DISP1: variants seen among roughly 807,000 people sequenced by gnomAD.
The protein encoded by DISP1 is dispatched RND transporter family member 1, also known as protein dispatched homolog 1.
DISP1 carries 30 observed loss-of-function variants against 37.3 expected under a neutral mutation model. That is an observed-to-expected ratio of 0.80 (90% confidence interval 0.60 to 1.09). The LOEUF is 1.09. Ranked by LOEUF, DISP1 falls within the 50% of genes least tolerant of loss-of-function variation. The probability of loss-of-function intolerance (pLI) is 0.00; values close to 1 mark genes in which losing one functional copy is unlikely to be tolerated. For missense variants in DISP1, 1,598 were observed against 1,879.5 expected (o/e 0.85, Z 2.77); for synonymous variants, 634 against 690.2 (o/e 0.92, Z 1.28).
At chr1:222,911,149 T>C (rs1672185485) in intron 1 of DISP1, among the ~76,000 whole-genome samples, 1 of 152,202 alleles carries the variant, frequency 6.6e-6, no homozygotes, top group African/African-American at 2.4e-5. Flanking sequence ...GATGATTAGC[T>C]TAGGTAATTT....
chr1:222,914,697 A>G (rs1463690087), intron 1 of DISP1, among the ~76,000 whole-genome samples: 2 of 152,136 alleles, frequency 1.3e-5, no homozygotes, highest in African/African-American at 4.8e-5. Context: ...GGTGGCTCAC[A>G]CCTATAATCC....
chr1:222,869,586 AG>A (rs375685274), intron 1 of DISP1, among the ~76,000 whole-genome samples: 14 of 152,298 alleles, frequency 9.2e-5, no homozygotes, highest in African/African-American at 3.1e-4. Flanking sequence ...GAGCTAGCAA[AG>A]CTTGGAGAAA....
At chr1:222,976,493 T>A (rs78915373) in intron 3 of DISP1, among the ~76,000 whole-genome samples, 8,641 of 152,146 alleles carry the variant, frequency 0.057, 829 homozygotes, top group African/African-American at 0.2. Context: ...CACGTCCATT[T>A]GTATAGAAAC....
chr1:222,979,599 TG>T (rs1338139562), intron 3 of DISP1: 1 of 471,116 alleles, frequency 2.1e-6, no homozygotes, highest in Non-Finnish European at 4.4e-6. Context: ...ATACAGCTTT[TG>T]GGGGTTTTTG....
chr1:222,954,882 A>G (rs1675480722), intron 3 of DISP1, among the ~76,000 whole-genome samples: 1 of 151,364 alleles, frequency 6.6e-6, no homozygotes, highest in South Asian at 2.1e-4. Context: ...AATGAACAGG[A>G]GTGCAACTGC....
rs755084650 is a variant in DISP1 at position 223,003,341 on chromosome 1, G to A, written c.1944G>A (p.Met648Ile). 5.0e-6 allele frequency: 8 copies of A among 1,614,096 alleles called. No homozygotes were observed. The East Asian group carries it at 8.9e-5, about 18-fold the overall frequency. ...CTATATTGGTGAATTACGTTTTGAT[G>A]GTCACATGGCTTCCAGCAGTTGTTG... is the stretch of plus-strand genomic sequence containing the variant. ...GTAILVNYVL[M>I]VTWLPAVVVL... Residue 648 changes from methionine to isoleucine, a missense_variant, in exon 9 of 9, where the codon ATG becomes ATA. Met to Ile is a conservative substitution (Grantham distance 10). Transcript: ENST00000675850. The surrounding 1 kb of genome is among the most constrained non-coding windows in gnomAD (Gnocchi z 4.3).
At chr1:222,991,732 T>C in intron 6 of DISP1, 85 bp downstream of exon 6, 1 of 1,435,418 alleles carries the variant, frequency 7.0e-7, no homozygotes, top group South Asian at 1.3e-5. Flanking sequence ...AACAAAAAAT[T>C]TAAATGTAAA....
chr1:222,932,312 C>G (rs1027058235), intron 2 of DISP1, among the ~76,000 whole-genome samples: 4 of 151,864 alleles, frequency 2.6e-5, no homozygotes, highest in Admixed American at 2.6e-4. Context: ...GGGCCAGGAC[C>G]CTTTTATCAT....
At chr1:222,890,545 A>G (rs1572437005) in intron 1 of DISP1, among the ~76,000 whole-genome samples, 1 of 152,132 alleles carries the variant, frequency 6.6e-6, no homozygotes, top group East Asian at 1.9e-4. Flanking sequence ...GAGATAAGGG[A>G]TAGTTCATTT....
In DISP1 at chr1:223,003,971, G is replaced by A. The variant is rs1308731382; in HGVS notation, c.2574G>A (p.Gln858=). 1 of 1,614,192 alleles carries A rather than the reference G, an allele frequency of 6.2e-7. No homozygotes were observed. The highest frequency in any genetic ancestry group is 2.2e-5 in the East Asian group (1 of 44,882). The change falls in exon 9 of 9, where the codon CAG becomes CAA. Residue 858 remains glutamine, a synonymous_variant. Coordinates refer to ENST00000675850, the MANE Select transcript of DISP1 (RefSeq NM_001377229.1). This position sits in a 1 kb window ranked among gnomAD's most constrained non-coding sequence, Gnocchi z 4.3. ...FTSCFIETFK[Q]WMENQDCDEP... Reference sequence around the variant, plus strand: ...GCTGCTTCATTGAGACATTCAAACAGTGGATGGAAAACCAGGACTGTGATG... The same window carrying A: ...GCTGCTTCATTGAGACATTCAAACAATGGATGGAAAACCAGGACTGTGATG...
At chr1:222,826,377 C>CTT (rs376799233) in intron 1 of DISP1, among the ~76,000 whole-genome samples, 12,196 of 110,306 alleles carry the variant, frequency 0.11, 1,257 homozygotes, top group South Asian at 0.15. Context: ...CACTTTAATA[C>CTT]TTTTTTTTTT....
chr1:222,990,653 G>A lies in DISP1; in HGVS notation c.568G>A (p.Val190Met). 2.5e-6 allele frequency: 4 copies of A among 1,614,130 alleles called. No individual in the cohort carries two copies. The highest frequency in any genetic ancestry group is 2.5e-6 in the Non-Finnish European group (3 of 1,179,994). The change falls in exon 5 of 9, where the codon GTG (valine) becomes ATG (methionine). Residue 190 changes from valine (V) to methionine (M), a missense_variant. Transcript: ENST00000675850. ...SYAALIADWP[V>M]VVLGMCTMFI... is the part of the protein sequence containing the mutation. The stretch of plus-strand genomic sequence containing the variant: ...TGCAGCCCTGATAGCCGACTGGCCG[G>A]TGGTGGTCTTGGGCATGTGCACCAT...
Position 222,883,558 on chromosome 1 carries a change from A to G in DISP1, c.-158-44872A>G, listed in dbSNP as rs542729729. On this transcript the variant is annotated intron_variant, in intron 1 of 8. Transcript: ENST00000675850. ...CTTGAACCCGTGAGGCAAAGGTTGC[A>G]GTGAGCCAAGATCGTGCCACTGCAC... is the stretch of plus-strand genomic sequence containing the variant. Among the ~76,000 whole-genome samples the G allele has an allele frequency of 3.9e-5, 6 of 152,378 alleles. No homozygotes were observed. In the East Asian group the frequency reaches 9.6e-4, roughly 24 times the overall value.
At position 222,877,136 on chromosome 1, in the gene DISP1, A is replaced by G. The variant is rs532141548; in HGVS notation, c.-158-51294A>G. Among the ~76,000 whole-genome samples the G allele has an allele frequency of 3.9e-5, 6 of 152,316 alleles. No homozygotes were observed. The East Asian group carries it at 1.2e-3, about 29-fold the overall frequency. On this transcript the variant is annotated intron_variant, in intron 1 of 8. Transcript: ENST00000675850. The stretch of plus-strand genomic sequence containing the variant: ...CCTCTCTGAGCTTATTACCTCATCT[A>G]TAAAATGGGGATAATAATGTCTTCA...
chr1:222,936,991 ATAT>A (rs199660539), intron 2 of DISP1, among the ~76,000 whole-genome samples: 7,389 of 85,424 alleles, frequency 0.086, 301 homozygotes, highest in Non-Finnish European at 0.11. Context: ...AATATATATA[ATAT>A]TATATAATAT....
intron 1 of DISP1, among the ~76,000 whole-genome samples, chr1:222,818,770 T>C (rs1661929992): frequency 1.3e-5 from 2 of 152,206 alleles, no homozygotes; most frequent in African/African-American, 4.8e-5. Context: ...CAACTGATTG[T>C]AGACATTAAC....
At chr1:222,847,452 A>G (rs992327887) in intron 1 of DISP1, among the ~76,000 whole-genome samples, 3 of 152,198 alleles carry the variant, frequency 2.0e-5, no homozygotes, top group African/African-American at 7.2e-5. Context: ...TATAAGTTGT[A>G]TTTACACATA....
chr1:222,902,829 A>G (rs1303503108), intron 1 of DISP1, among the ~76,000 whole-genome samples: 12 of 151,184 alleles, frequency 7.9e-5, no homozygotes, highest in African/African-American at 2.7e-4. Flanking sequence ...GTGGAGAAAT[A>G]GGAACACTTT....
intron 8 of DISP1, among the ~76,000 whole-genome samples, chr1:222,997,872 A>G (rs771833216): frequency 6.6e-6 from 1 of 152,206 alleles, no homozygotes; most frequent in African/African-American, 2.4e-5. Context: ...ACATGTGTCA[A>G]AATGAATGGT....
Sources: allele counts gnomAD v4.1 joint callset (sites outside exome capture counted in the v4.1 genomes callset), GRCh38; gene constraint gnomAD v4.1.1; non-coding constraint Gnocchi (gnomAD v3.1); transcripts MANE v1.5; gene names NCBI Gene and HGNC (gene_info 2026-07-23, HGNC 2026-07-21).